The following KMT2C variants were observed in gnomAD, a reference collection of about 807,000 sequenced individuals.
KMT2C encodes the protein histone-lysine N-methyltransferase 2C.
In KMT2C, 88 loss-of-function variants were observed where a neutral mutation model predicts 507.9. That is an observed-to-expected ratio of 0.17 (90% confidence interval 0.15 to 0.21). KMT2C has a LOEUF of 0.21. KMT2C is among the 10% of genes least tolerant of loss of function. The pLI, the probability that KMT2C is intolerant of heterozygous loss-of-function variation, is 1.00. For missense variants in KMT2C, 4,954 were observed against 5,957.8 expected (o/e 0.83, Z 5.55); for synonymous variants, 2,049 against 2,080.8 (o/e 0.98, Z 0.42).
intron 31 of KMT2C, among the ~76,000 whole-genome samples, chr7:152,189,322 C>T (rs749296505): frequency 1.3e-5 from 2 of 152,184 alleles, no homozygotes; most frequent in African/African-American, 2.4e-5. Flanking sequence ...CCCAATTAAA[C>T]TTGATGATTT....
intron 6 of KMT2C, among the ~76,000 whole-genome samples, chr7:152,307,457 C>A (rs964797933): frequency 6.6e-6 from 1 of 151,994 alleles, no homozygotes; most frequent in Non-Finnish European, 1.5e-5. Context: ...ACTGACACTC[C>A]TGTGAGTTTT....
intron 2 of KMT2C, among the ~76,000 whole-genome samples, chr7:152,344,073 A>AATTGAATACATG (rs2097027614): frequency 6.6e-6 from 1 of 152,256 alleles, no homozygotes; most frequent in Non-Finnish European, 1.5e-5. Flanking sequence ...GTATTCAATT[A>AATTGAATACATG]TGATTGCTTA....
At chr7:152,279,883 T>C (rs2096169497) in intron 6 of KMT2C, among the ~76,000 whole-genome samples, 2 of 152,414 alleles carry the variant, frequency 1.3e-5, no homozygotes, top group South Asian at 4.1e-4. Flanking sequence ...GTAGGCAGTA[T>C]TCTAAAATGC....
chr7:152,325,510 G>C (rs2096820564), intron 3 of KMT2C, among the ~76,000 whole-genome samples: 1 of 151,778 alleles, frequency 6.6e-6, no homozygotes, highest in East Asian at 1.9e-4. Context: ...ACCCAGGCTG[G>C]AGTGCAGTGG....
At chr7:152,288,677 G>T (rs1432788210) in intron 6 of KMT2C, among the ~76,000 whole-genome samples, 1 of 152,084 alleles carries the variant, frequency 6.6e-6, no homozygotes, top group African/African-American at 2.4e-5. Context: ...AAGACCCACA[G>T]ATTCAAGAAA....
chr7:152,271,941 A>AC, intron 7 of KMT2C, among the ~76,000 whole-genome samples: 1 of 152,024 alleles, frequency 6.6e-6, no homozygotes, highest in South Asian at 2.1e-4. Context: ...CTTTGTATTG[A>AC]CTGCTGAAAA....
chr7:152,429,128 A>C (rs1205450199), intron 1 of KMT2C, among the ~76,000 whole-genome samples: 1 of 152,088 alleles, frequency 6.6e-6, no homozygotes, highest in Non-Finnish European at 1.5e-5. Flanking sequence ...TCTAATTCAA[A>C]TACTACTTCC....
At chr7:152,223,682 T>C (rs2094843372) in intron 20 of KMT2C, among the ~76,000 whole-genome samples, 2 of 152,020 alleles carry the variant, frequency 1.3e-5, no homozygotes, top group African/African-American at 2.4e-5. Context: ...TAGTCCCAGA[T>C]ACTCGGGAGG....
chr7:152,419,629 G>A (rs7802778), intron 1 of KMT2C, among the ~76,000 whole-genome samples: 5,803 of 152,094 alleles, frequency 0.038, 394 homozygotes, highest in African/African-American at 0.13. Context: ...GCTCCCTATT[G>A]TTTACAGTTA....
intron 8 of KMT2C, among the ~76,000 whole-genome samples, chr7:152,264,278 G>A (rs2095826543): frequency 6.6e-6 from 1 of 152,094 alleles, no homozygotes; most frequent in African/African-American, 2.4e-5. Flanking sequence ...TGGCAGTTGG[G>A]CATAATTCTT....
chr7:152,297,053 G>GAA (rs1554622595), intron 6 of KMT2C, among the ~76,000 whole-genome samples: 35 of 81,476 alleles, frequency 4.3e-4, no homozygotes, highest in East Asian at 3.2e-3. Flanking sequence ...AAGAAAGAAA[G>GAA]ACAGAGAGAG....
At chr7:152,291,919 GT>G (rs2129186920) in intron 6 of KMT2C, among the ~76,000 whole-genome samples, 1 of 152,160 alleles carries the variant, frequency 6.6e-6, no homozygotes, top group South Asian at 2.1e-4. Flanking sequence ...GTTGGTAATG[GT>G]TTTCCTTGCT....
intron 42 of KMT2C, among the ~76,000 whole-genome samples, chr7:152,166,833 G>A (rs1446906827): frequency 6.6e-6 from 1 of 152,078 alleles, no homozygotes; most frequent in Non-Finnish European, 1.5e-5. Flanking sequence ...TGATTTCTTA[G>A]TGCAGAAAAA....
intron 2 of KMT2C, among the ~76,000 whole-genome samples, chr7:152,346,606 C>T (rs1337059829): frequency 6.6e-6 from 1 of 152,164 alleles, no homozygotes; most frequent in African/African-American, 2.4e-5. Flanking sequence ...GCATTTAACA[C>T]ATATACAGTT....
chr7:152,147,707 C>CAAAAAAAAAAA (rs762588729), intron 52 of KMT2C, among the ~76,000 whole-genome samples: 24 of 46,700 alleles, frequency 5.1e-4, no homozygotes, highest in African/African-American at 1.4e-3. Context: ...AACTCCGTCT[C>CAAAAAAAAAAA]AAAAAAAAAA....
rs73730038 is a variant in KMT2C at position 152,297,472 on chromosome 7, C to T, written c.849+12494G>A. Among the ~76,000 whole-genome samples, 1,470 of 152,180 alleles carry T rather than the reference C, an allele frequency of 9.7e-3. 34 individuals carry two copies. The highest frequency in any genetic ancestry group is 0.034 in the African/African-American group (1,414 of 41,514). On this transcript the variant is annotated intron_variant, in intron 6 of 58. Transcript: ENST00000262189. Reference sequence around the variant, plus strand: ...AACTATGAGAATCCAGAAAAAGAACCATCAGAAACAATGGGAGGGAACAGG... The same window carrying T: ...AACTATGAGAATCCAGAAAAAGAACTATCAGAAACAATGGGAGGGAACAGG...
chr7:152,148,039 G>A lies in KMT2C; in HGVS notation c.13888C>T (p.Pro4630Ser). 3 of 1,580,074 alleles carry A rather than the reference G, an allele frequency of 1.9e-6. No individual in the cohort carries two copies. Among genetic ancestry groups the A allele is most frequent in the Non-Finnish European group, 2.6e-6 (3 of 1,157,884 alleles). ...HEDLVLSDIS[P>S]KGVWDKILEP... The stretch of plus-strand genomic sequence containing the variant: ...TGTGAACGGCAGACGTTACCTTTAG[G>A]TGAGATGTCACTTAGAACCAGGTCT... The change falls in exon 52 of 59, where the codon CCT (proline) becomes TCT (serine). Residue 4630 changes from proline to serine, a missense_variant. Pro to Ser is a moderately conservative substitution (Grantham distance 74, BLOSUM62 -1). This residue lies in a region of KMT2C where 221 missense variants were observed against 304.7 expected (regional missense o/e 0.73). Coordinates refer to ENST00000262189, the MANE Select transcript of KMT2C (RefSeq NM_170606.3). This position sits in a 1 kb window ranked among gnomAD's most constrained non-coding sequence, Gnocchi z 7.1.
Position 152,163,647 on chromosome 7 carries a change from C to T in KMT2C, c.9930G>A (p.Gln3310=), listed in dbSNP as rs761669944. ...CTGTTGTGTGCTGCTGGTGCTGAAG[C>T]TGCTGTGGCACCATGGGAAAGGTGG... ...SQPTFPMVPQ[Q]LQHQQHTTVI... is the part of the protein sequence containing the mutation. The change falls in exon 43 of 59, where the codon CAG becomes CAA. Residue 3310 remains glutamine, a synonymous_variant. Coordinates refer to ENST00000262189, the MANE Select transcript of KMT2C (RefSeq NM_170606.3). 6.2e-7 allele frequency: 1 copy of T among 1,612,824 alleles called. No individual in the cohort carries two copies. Among genetic ancestry groups the T allele is most frequent in the Non-Finnish European group, 8.5e-7 (1 of 1,179,264 alleles).
rs587778507 is a variant in KMT2C at position 152,159,040 on chromosome 7, A to T, written c.11493T>A (p.Phe3831Leu). ...TTTTTGGCAACTGGTTGCCACATCC[A>T]AAACCACCTTGCATTTGAGCCCCCA... ...QTLGAQMQGG[F>L]GCGNQLPKTD... The change falls in exon 44 of 59, where the codon TTT (phenylalanine) becomes TTA (leucine). Residue 3831 changes from phenylalanine to leucine, a missense_variant. By Grantham distance (22) the Phe-to-Leu change is conservative (BLOSUM62 0). Around this residue, in one of 29 missense-constraint regions of KMT2C, gnomAD observed 801 missense variants for 751.2 expected, o/e 1.07. Transcript: ENST00000262189. The T allele has an allele frequency of 6.2e-7, 1 of 1,614,178 alleles. No homozygotes were observed. The highest frequency in any genetic ancestry group is 1.7e-4 in the Middle Eastern group (1 of 6,060).
Sources: gnomAD v4.1 joint callset for allele counts (sites outside exome capture counted in the v4.1 genomes callset) on GRCh38, gnomAD v4.1.1 for gene constraint, gnomAD v4.1.1 regional missense constraint, Gnocchi (gnomAD v3.1) non-coding constraint, MANE v1.5 for transcripts, NCBI Gene and HGNC (gene_info 2026-07-23, HGNC 2026-07-21) for gene names.